The following GRK3 variants were observed in gnomAD, a reference collection of about 807,000 sequenced individuals.
GRK3 encodes G protein-coupled receptor kinase 3.
In GRK3, 54 loss-of-function variants were observed where a neutral mutation model predicts 95.7. The ratio of observed to expected loss-of-function variants is 0.56; its 90% CI spans 0.45 to 0.71. GRK3 has a LOEUF of 0.71. Ranked by LOEUF, GRK3 falls within the 30% of genes least tolerant of loss-of-function variation. The probability of loss-of-function intolerance (pLI) is 0.00; values close to 1 mark genes in which losing one functional copy is unlikely to be tolerated. For missense variants in GRK3, 649 were observed against 851.2 expected (o/e 0.76, Z 2.96); for synonymous variants, 281 against 290.8 (o/e 0.97, Z 0.34).
Position 25,594,900 on chromosome 22 carries a change from A to G in GRK3, c.114-9477A>G, listed in dbSNP as rs995125447. Reference sequence around the variant, plus strand: ...TCTCAAAAATAAATAAATAAATAAAATAAATAAATAAAAACAAAACCATAT... The same window carrying G: ...TCTCAAAAATAAATAAATAAATAAAGTAAATAAATAAAAACAAAACCATAT... On this transcript the variant is annotated intron_variant, in intron 1 of 20. Transcript: ENST00000324198. 7.2e-5 allele frequency among the ~76,000 whole-genome samples: 11 copies of G among 152,058 alleles called. No individual in the cohort carries two copies. In the East Asian group the frequency reaches 1.9e-3, roughly 27 times the overall value.
At position 25,690,435 on chromosome 22, in the gene GRK3, G is replaced by A. The variant is rs2085156413; in HGVS notation, c.1052+152G>A. ...GGTCGTGGGAAAGGAGATAAGAACA[G>A]GATGCCTTCCTCACTGTCTGCGGAG... On this transcript the variant is annotated intron_variant, in intron 12 of 20. Coordinates refer to ENST00000324198, the MANE Select transcript of GRK3 (RefSeq NM_005160.4). 3 of 631,382 alleles carry A rather than the reference G, an allele frequency of 4.8e-6. No homozygotes were observed. The East Asian group carries it at 8.4e-5, about 18-fold the overall frequency. The allele number at this position is 631,382 out of a possible 1,614,324, so 39.1% of individuals were successfully genotyped here.
In GRK3 at chr22:25,591,610, C is replaced by G. The variant is rs190230321; in HGVS notation, c.114-12767C>G. 7.9e-5 allele frequency among the ~76,000 whole-genome samples: 12 copies of G among 152,120 alleles called. 1 individual carries two copies. In the East Asian group the frequency reaches 2.1e-3, roughly 27 times the overall value. On this transcript the variant is annotated intron_variant, in intron 1 of 20. Coordinates refer to ENST00000324198, the MANE Select transcript of GRK3 (RefSeq NM_005160.4). Reference sequence around the variant, plus strand: ...AAAAGGGCTCCTTAGGAATAAAAGACACTCCTATCAGGAAATTTCAAGCGT... The same window carrying G: ...AAAAGGGCTCCTTAGGAATAAAAGAGACTCCTATCAGGAAATTTCAAGCGT...
At chr22:25,621,491 G>A (rs1346807027) in intron 2 of GRK3, among the ~76,000 whole-genome samples, 1 of 151,650 alleles carries the variant, frequency 6.6e-6, no homozygotes, top group Admixed American at 6.6e-5. Context: ...TAAAATGTAG[G>A]CAAAAAGCTT....
chr22:25,668,977 C>T (rs1018134790), intron 6 of GRK3, among the ~76,000 whole-genome samples: 5 of 152,074 alleles, frequency 3.3e-5, no homozygotes, highest in Admixed American at 6.6e-5. Context: ...CAAACGATGC[C>T]GTTTGCATTT....
At chr22:25,572,945 T>C (rs1569148766) in intron 1 of GRK3, among the ~76,000 whole-genome samples, 2 of 152,222 alleles carry the variant, frequency 1.3e-5, no homozygotes, top group African/African-American at 4.8e-5. Flanking sequence ...GATGAGTGAC[T>C]TCCCTCTCTA....
At chr22:25,641,814 G>C (rs147481288) in intron 2 of GRK3, among the ~76,000 whole-genome samples, 50 of 152,268 alleles carry the variant, frequency 3.3e-4, no homozygotes, top group Admixed American at 7.2e-4. Flanking sequence ...AGTGAGCTTG[G>C]GGGGAGCACT....
At chr22:25,665,204 G>A (rs2084934055) in intron 5 of GRK3, among the ~76,000 whole-genome samples, 1 of 152,192 alleles carries the variant, frequency 6.6e-6, no homozygotes, top group African/African-American at 2.4e-5. Context: ...GCCTATCACT[G>A]TGCTCCACAA....
intron 2 of GRK3, among the ~76,000 whole-genome samples, chr22:25,635,788 A>C (rs902067174): frequency 3.3e-5 from 5 of 152,154 alleles, no homozygotes; most frequent in African/African-American, 1.2e-4. Context: ...AACTCGTGGA[A>C]GTTACTTTTG....
chr22:25,718,239 C>G lies in GRK3; in HGVS notation c.1655-6C>G. On this transcript the variant is annotated splice_region_variant and splice_polypyrimidine_tract_variant and intron_variant, in intron 18 of 20. Transcript: ENST00000324198. The stretch of plus-strand genomic sequence containing the variant: ...ATTTAACTCCTAGTGATTTTGTATT[C>G]CTCAGATTACGCTCTGGGGAAGGAC... 6.2e-7 allele frequency: 1 copy of G among 1,611,368 alleles called. No homozygotes were observed. Among genetic ancestry groups the G allele is most frequent in the East Asian group, 2.2e-5 (1 of 44,800 alleles).
At chr22:25,573,020 T>TGC in intron 1 of GRK3, among the ~76,000 whole-genome samples, 1 of 152,234 alleles carries the variant, frequency 6.6e-6, no homozygotes, top group South Asian at 2.1e-4. Flanking sequence ...AGCTCTCTTG[T>TGC]ATTACCTTCT....
chr22:25,656,548 AATTTCT>A, intron 3 of GRK3, among the ~76,000 whole-genome samples: 1 of 151,920 alleles, frequency 6.6e-6, no homozygotes, highest in Admixed American at 6.6e-5. Context: ...GCTGGTCTTG[AATTTCT>A]GGCCTTAAGT....
In GRK3 at chr22:25,725,586, C is replaced by A. The variant is rs1405818593; in HGVS notation, c.*3136C>A. 135 of 398,418 alleles carry A rather than the reference C, an allele frequency of 3.4e-4. 1 individual carries two copies. In the East Asian group the frequency reaches 4.8e-3, roughly 14 times the overall value. The allele number at this position is 398,418 out of a possible 1,614,324, so 24.7% of individuals were successfully genotyped here. A position where few individuals can be genotyped will look rare whatever the true frequency, so the allele number is the denominator to read the frequency against. ...GAAGTCAGCTTATTATGTCACCATT[C>A]ATGCAAAGTGCTCATGCCTCTGATT... On this transcript the variant is annotated 3_prime_UTR_variant, in exon 21 of 21. Transcript: ENST00000324198.
chr22:25,710,172 G>T (rs1195285372), intron 16 of GRK3, among the ~76,000 whole-genome samples: 1 of 152,116 alleles, frequency 6.6e-6, no homozygotes, highest in Non-Finnish European at 1.5e-5. Context: ...TCCCTTTGGG[G>T]CATCCTCTCA....
At chr22:25,633,539 CGTAA>C (rs757515469) in intron 2 of GRK3, among the ~76,000 whole-genome samples, 41 of 151,706 alleles carry the variant, frequency 2.7e-4, no homozygotes, top group Middle Eastern at 3.4e-3. Context: ...TAGATTTATT[CGTAA>C]GTGTTGGGTT....
intron 15 of GRK3, among the ~76,000 whole-genome samples, chr22:25,705,611 C>G (rs117891391): frequency 2.7e-5 from 4 of 150,820 alleles, no homozygotes; most frequent in Non-Finnish European, 5.9e-5. Context: ...ATAGTATGAT[C>G]TCTCTCTCTC....
chr22:25,585,125 G>T (rs111471822), intron 1 of GRK3, among the ~76,000 whole-genome samples: 2 of 152,230 alleles, frequency 1.3e-5, no homozygotes, highest in Non-Finnish European at 2.9e-5. Context: ...TTGTAGAACA[G>T]CTCTGCCTGC....
intron 9 of GRK3, among the ~76,000 whole-genome samples, chr22:25,684,254 G>A (rs903520676): frequency 1.3e-5 from 2 of 152,166 alleles, no homozygotes; most frequent in African/African-American, 4.8e-5. Context: ...CTGAATTACT[G>A]TTGCTTTCTA....
intron 15 of GRK3, among the ~76,000 whole-genome samples, chr22:25,705,193 C>T (rs1299064690): frequency 3.9e-5 from 6 of 152,200 alleles, no homozygotes; most frequent in Non-Finnish European, 5.9e-5. Flanking sequence ...TCACTCATTA[C>T]TGTCTCTGTA....
intron 2 of GRK3, among the ~76,000 whole-genome samples, chr22:25,639,703 G>C (rs550236995): frequency 8.6e-5 from 13 of 151,944 alleles, no homozygotes; most frequent in Non-Finnish European, 1.5e-5. Flanking sequence ...TCTTTAAAAA[G>C]GCCTGTTGGA....
Sources: allele counts gnomAD v4.1 joint callset (sites outside exome capture counted in the v4.1 genomes callset), GRCh38; gene constraint gnomAD v4.1.1; transcripts MANE v1.5; gene names NCBI Gene and HGNC (gene_info 2026-07-23, HGNC 2026-07-21).